The following ANAPC2 variants were observed in gnomAD, a reference collection of about 807,000 sequenced individuals.
The protein encoded by ANAPC2 is anaphase promoting complex subunit 2.
A neutral mutation model predicts 84.3 loss-of-function variants in ANAPC2; 29 were observed. That is an observed-to-expected ratio of 0.34 (90% CI 0.26 to 0.47). ANAPC2 has a LOEUF of 0.47. Among genes scored for constraint, ANAPC2 ranks in the 20% least tolerant of loss-of-function variants. The pLI is 1.00. For synonymous variants in ANAPC2, 571 were observed against 479.4 expected (o/e 1.19, Z -2.50); for missense variants, 857 against 1,131.7 (o/e 0.76, Z 3.48).
At chr9:137,178,977 C>G (rs1489108418) in intron 10 of ANAPC2, among the ~76,000 whole-genome samples, 1 of 152,232 alleles carries the variant, frequency 6.6e-6, no homozygotes, top group Non-Finnish European at 1.5e-5. Flanking sequence ...CAGCAAGGCC[C>G]TCTTACTTGC....
At position 137,185,074 on chromosome 9, in the gene ANAPC2, AC is replaced by A; in HGVS notation, c.886del (p.Val296TrpfsTer133). On this transcript the variant is annotated frameshift_variant, in exon 4 of 13. Coordinates refer to ENST00000323927, the MANE Select transcript of ANAPC2 (RefSeq NM_013366.4). LOFTEE classifies it high-confidence loss of function. ...GAACACCTTGCCGAGCCAGCCGACCACCCGCTCGATCCACTGTCAGGAGAAC... is the reference window on the plus strand; with the variant it reads ...GAACACCTTGCCGAGCCAGCCGACCACCGCTCGATCCACTGTCAGGAGAAC... ...LREFHKWIERVVGWLGKVFLQ... is the reference protein window; with the variant it reads ...LREFHKWIERXVGWLGKVFLQ... The A allele has an allele frequency of 6.5e-7, 1 of 1,543,820 alleles. No homozygotes were observed. Among genetic ancestry groups the A allele is most frequent in the Non-Finnish European group, 8.7e-7 (1 of 1,145,276 alleles).
chr9:137,178,108 C>T (rs559110238), intron 10 of ANAPC2, among the ~76,000 whole-genome samples: 1 of 152,326 alleles, frequency 6.6e-6, no homozygotes, highest in African/African-American at 2.4e-5. Flanking sequence ...TTCCAGGATC[C>T]GGCAGCTTCT....
rs1005881748 is a variant in ANAPC2, at chr9:137,183,697, G to A, written c.1143C>T (p.Ala381=). ...RQQLLVSLKA[A]LETRLLHPGV... ...CTGGATGCAGGAGCCGAGTCTCCAGGGCAGCCTTGAGGGACACGAGCAGCT... is the reference window on the plus strand; with the variant it reads ...CTGGATGCAGGAGCCGAGTCTCCAGAGCAGCCTTGAGGGACACGAGCAGCT... The change falls in exon 5 of 13, where the codon GCC becomes GCT. Residue 381 remains alanine (A), a synonymous_variant. Transcript: ENST00000323927. The A allele has an allele frequency of 5.6e-6, 9 of 1,612,430 alleles. No individual in the cohort carries two copies. Among genetic ancestry groups the A allele is most frequent in the Non-Finnish European group, 7.6e-6 (9 of 1,179,666 alleles).
Position 137,188,094 on chromosome 9 carries a change from G to T in ANAPC2, c.127C>A (p.Arg43=), listed in dbSNP as rs55750716. 90 of 1,611,282 alleles carry T rather than the reference G, an allele frequency of 5.6e-5. No individual in the cohort carries two copies. The highest frequency in any genetic ancestry group is 7.5e-5 in the Non-Finnish European group (89 of 1,179,476). ...PPAALGLVSS[R]TSGAVPPKEE... ...TTTGGCGGGACTGCACCGCTGGTCC[G>T]GGAAGACACCTGGGGTGCAGAAAAC... The change falls in exon 2 of 13, where the codon CGG becomes AGG. Residue 43 remains arginine (R), a synonymous_variant. Coordinates refer to ENST00000323927, the MANE Select transcript of ANAPC2 (RefSeq NM_013366.4).
rs778022128 is a variant in ANAPC2, at chr9:137,181,755, T to C, written c.1394A>G (p.Glu465Gly). ...GTCATCCTCACTGTCCTGGCCTGTC[T>C]CCAGGCTCGCCGGGTCGGTCTTGGA... is the stretch of plus-strand genomic sequence containing the variant. Reference protein sequence around the residue: ...ELSKTDPASLETGQDSEDDSG... With the variant: ...ELSKTDPASLGTGQDSEDDSG... The change falls in exon 7 of 13, where the codon GAG becomes GGG. Residue 465 changes from glutamate to glycine, a missense_variant. Coordinates refer to ENST00000323927, the MANE Select transcript of ANAPC2 (RefSeq NM_013366.4). 3 of 1,611,850 alleles carry C rather than the reference T, an allele frequency of 1.9e-6. No homozygotes were observed. Among genetic ancestry groups the C allele is most frequent in the Admixed American group, 1.7e-5 (1 of 59,982 alleles).
In ANAPC2 at chr9:137,187,960, G is replaced by T; in HGVS notation, c.261C>A (p.Ile87=). Residue 87 remains isoleucine, a synonymous_variant, in exon 2 of 13, where the codon ATC becomes ATA. Coordinates refer to ENST00000323927, the MANE Select transcript of ANAPC2 (RefSeq NM_013366.4). ...AGATGGCATTCCAGAACTCAGGGGA[G>T]ATGTTGGCCTGCAGATCGTTCTGCA... ...EVLQNDLQAN[I]SPEFWNAISQ... The T allele has an allele frequency of 6.2e-7, 1 of 1,613,948 alleles. No individual in the cohort carries two copies. The highest frequency in any genetic ancestry group is 8.5e-7 in the Non-Finnish European group (1 of 1,180,040).
At chr9:137,185,645 T>C (rs1834449431) in intron 3 of ANAPC2, among the ~76,000 whole-genome samples, 1 of 152,036 alleles carries the variant, frequency 6.6e-6, no homozygotes, top group South Asian at 2.1e-4. Context: ...TGCACCTCAG[T>C]AGGGGGACTC....
intron 6 of ANAPC2, among the ~76,000 whole-genome samples, 190 bp from the exon 7 acceptor site, chr9:137,182,052 G>A (rs559274323): frequency 1.3e-5 from 2 of 152,166 alleles, no homozygotes; most frequent in South Asian, 4.1e-4. Context: ...CGTTACTTGG[G>A]AGCAGCAGGA....
intron 10 of ANAPC2, among the ~76,000 whole-genome samples, chr9:137,179,129 C>T (rs916076847): frequency 1.3e-5 from 2 of 152,168 alleles, no homozygotes; most frequent in Non-Finnish European, 2.9e-5. Flanking sequence ...CTGCCTGGGC[C>T]GAGGCTGGAC....
intron 8 of ANAPC2, 118 bp from the exon 9 acceptor site, chr9:137,180,645 T>G: frequency 6.4e-7 from 1 of 1,568,538 alleles, no homozygotes; most frequent in Admixed American, 1.7e-5. Context: ...GGCACCCCAA[T>G]GGCTAGCACA....
chr9:137,178,975 C>T (rs1428804373), intron 10 of ANAPC2, among the ~76,000 whole-genome samples: 2 of 152,216 alleles, frequency 1.3e-5, no homozygotes, highest in Admixed American at 6.5e-5. Flanking sequence ...CACAGCAAGG[C>T]CCTCTTACTT....
intron 3 of ANAPC2, among the ~76,000 whole-genome samples, chr9:137,185,526 C>A (rs143051579): frequency 1.4e-4 from 21 of 152,352 alleles, no homozygotes; most frequent in African/African-American, 4.6e-4. Context: ...AGACCTGCTA[C>A]CCAGTGGCAA....
chr9:137,180,688 T>C, intron 8 of ANAPC2, 100 bp downstream of exon 8: 1 of 1,570,262 alleles, frequency 6.4e-7, no homozygotes. Context: ...GAAGCACAGC[T>C]CCAACCAGGC....
intron 3 of ANAPC2, 91 bp downstream of exon 3, chr9:137,186,133 G>C: frequency 1.9e-6 from 3 of 1,555,658 alleles, no homozygotes; most frequent in Non-Finnish European, 2.6e-6. Context: ...AGGCCTCCGT[G>C]CTCTGGATGC....
chr9:137,176,069 G>A, intron 10 of ANAPC2: 1 of 501,260 alleles, frequency 2.0e-6, no homozygotes, highest in Non-Finnish European at 3.5e-6. Flanking sequence ...AGGCTACAGG[G>A]GCCTCCTGAC....
Position 137,185,004 on chromosome 9 carries a change from G to A in ANAPC2, c.957C>T (p.Asn319=), listed in dbSNP as rs761833456. 7 of 1,608,030 alleles carry A rather than the reference G, an allele frequency of 4.4e-6. No individual in the cohort carries two copies. Among genetic ancestry groups the A allele is most frequent in the Non-Finnish European group, 5.1e-6 (6 of 1,178,046 alleles). The change falls in exon 4 of 13, where the codon AAC becomes AAT. Residue 319 remains asparagine, a synonymous_variant. Coordinates refer to ENST00000323927, the MANE Select transcript of ANAPC2 (RefSeq NM_013366.4). The part of the protein sequence containing the change: ...PARPASPEAG[N]TLRRWRCHVQ... ...CGTGGCAGCGCCAGCGGCGCAGGGT[G>A]TTGCCGGCCTCGGGAGATGCGGGCC...
At chr9:137,178,168 G>C (rs1430742682) in intron 10 of ANAPC2, among the ~76,000 whole-genome samples, 1 of 152,174 alleles carries the variant, frequency 6.6e-6, no homozygotes, top group Non-Finnish European at 1.5e-5. Context: ...TGGAGTCAGT[G>C]GCTTGCTAGG....
Position 137,186,516 on chromosome 9 carries a change from C to T in ANAPC2, c.741-160G>A, listed in dbSNP as rs866452245. ...CCCCACAATCCTCAGCTGTGGGGGGCGGTTGTACCAAAGGCTTCAAGAAGC... is the reference window on the plus strand; with the variant it reads ...CCCCACAATCCTCAGCTGTGGGGGGTGGTTGTACCAAAGGCTTCAAGAAGC... On this transcript the variant is annotated intron_variant, in intron 2 of 12. Coordinates refer to ENST00000323927, the MANE Select transcript of ANAPC2 (RefSeq NM_013366.4). 54 of 1,096,266 alleles carry T rather than the reference C, an allele frequency of 4.9e-5. 1 individual carries two copies. The Admixed American group carries it at 9.5e-4, about 19-fold the overall frequency. 67.9% of individuals were successfully genotyped at this position (1,096,266 alleles called of 1,614,324 possible).
chr9:137,179,222 C>T (rs1052080145), intron 10 of ANAPC2, among the ~76,000 whole-genome samples: 4 of 152,180 alleles, frequency 2.6e-5, no homozygotes, highest in African/African-American at 9.7e-5. Context: ...CACATGTCCC[C>T]CGCTGGGGTG....
Sources: gnomAD v4.1 joint callset for allele counts (sites outside exome capture counted in the v4.1 genomes callset) on GRCh38, gnomAD v4.1.1 for gene constraint, MANE v1.5 for transcripts, NCBI Gene and HGNC (gene_info 2026-07-23, HGNC 2026-07-21) for gene names.